Variants in ST18 observed in about 807,000 individuals in gnomAD.
The protein encoded by ST18 is suppression of tumorigenicity 18 protein.
A neutral mutation model predicts 110.0 loss-of-function variants in ST18; 50 were observed. That is an observed-to-expected ratio of 0.45 (90% CI 0.36 to 0.58). The LOEUF (loss-of-function observed/expected upper bound fraction) is 0.58, where lower values mean the gene tolerates loss of function less well. Ranked by LOEUF, ST18 falls within the 20% of genes least tolerant of loss-of-function variation. The pLI is 0.00. For synonymous variants in ST18, 461 were observed against 452.4 expected (o/e 1.02, Z -0.24); for missense variants, 1,306 against 1,280.1 (o/e 1.02, Z -0.31).
At position 52,222,697 on chromosome 8, in the gene ST18, C is replaced by T. The variant is rs535278175; in HGVS notation, c.-418-904G>A. On this transcript the variant is annotated intron_variant, in intron 3 of 25. Transcript: ENST00000689386. ...ACCAAAAGGAATCTGCGACTGACATCGGATCACTCTAGTCCCTGCATGTGC... is the reference window on the plus strand; with the variant it reads ...ACCAAAAGGAATCTGCGACTGACATTGGATCACTCTAGTCCCTGCATGTGC... Among the ~76,000 whole-genome samples, 12 of 152,288 alleles carry T rather than the reference C, an allele frequency of 7.9e-5. No individual in the cohort carries two copies. The East Asian group carries it at 1.2e-3, about 15-fold the overall frequency.
chr8:52,166,141 T>G (rs2062907710), intron 11 of ST18, among the ~76,000 whole-genome samples: 1 of 152,200 alleles, frequency 6.6e-6, no homozygotes, highest in Non-Finnish European at 1.5e-5. Flanking sequence ...AAGGAATCCA[T>G]ACCTCCAGGT....
At chr8:52,135,689 T>C (rs1479670105) in intron 19 of ST18, among the ~76,000 whole-genome samples, 1 of 152,030 alleles carries the variant, frequency 6.6e-6, no homozygotes, top group Non-Finnish European at 1.5e-5. Context: ...TTTTCATATC[T>C]GTCCATTATC....
At chr8:52,114,238 GGGATTACA>G (rs2041668689) in intron 25 of ST18, among the ~76,000 whole-genome samples, 1 of 152,010 alleles carries the variant, frequency 6.6e-6, no homozygotes, top group African/African-American at 2.4e-5. Context: ...CCAAAGTGCT[GGGATTACA>G]GGTGTGAGCC....
At chr8:52,244,674 C>T (rs2093702965) in intron 2 of ST18, among the ~76,000 whole-genome samples, 1 of 152,160 alleles carries the variant, frequency 6.6e-6, no homozygotes, top group Non-Finnish European at 1.5e-5. Context: ...TTATTTGTCC[C>T]TACATGTTTT....
intron 2 of ST18, among the ~76,000 whole-genome samples, chr8:52,331,781 T>C (rs1219148004): frequency 1.3e-5 from 2 of 152,178 alleles, no homozygotes; most frequent in African/African-American, 4.8e-5. Context: ...TGATTTTATG[T>C]AGTGGATGAG....
intron 2 of ST18, among the ~76,000 whole-genome samples, chr8:52,331,785 G>A (rs1809530355): frequency 6.6e-6 from 1 of 152,116 alleles, no homozygotes; most frequent in African/African-American, 2.4e-5. Context: ...TTTATGTAGT[G>A]GATGAGCGGT....
At chr8:52,399,804 ATT>A (rs1481469674) in intron 2 of ST18, among the ~76,000 whole-genome samples, 9 of 152,018 alleles carry the variant, frequency 5.9e-5, no homozygotes, top group African/African-American at 2.2e-4. Context: ...GGTACATATA[ATT>A]TCAATCTTCT....
intron 2 of ST18, among the ~76,000 whole-genome samples, chr8:52,296,143 T>G (rs997728963): frequency 6.6e-6 from 1 of 152,142 alleles, no homozygotes; most frequent in African/African-American, 2.4e-5. Flanking sequence ...AATAGTGCAA[T>G]GCTGGGGGGA....
intron 17 of ST18, among the ~76,000 whole-genome samples, chr8:52,140,592 GATAA>G (rs917186629): frequency 3.4e-5 from 5 of 145,004 alleles, no homozygotes; most frequent in Non-Finnish European, 6.1e-5. Flanking sequence ...TAGATAGATA[GATAA>G]AATGGATGAA....
In ST18 at chr8:52,295,991, C is replaced by T. The variant is rs920321115; in HGVS notation, c.-464-65914G>A. 5.3e-5 allele frequency among the ~76,000 whole-genome samples: 8 copies of T among 151,716 alleles called. No individual in the cohort carries two copies. In the East Asian group the frequency reaches 1.6e-3, roughly 29 times the overall value. On this transcript the variant is annotated intron_variant, in intron 2 of 25. Transcript: ENST00000689386. ...GCAGCCAGATAATCTACCACAATGT[C>T]TTGCTGGAAAAAAAAAATGGGACAA...
chr8:52,189,699 G>A (rs73681223), intron 8 of ST18, among the ~76,000 whole-genome samples: 6,650 of 152,204 alleles, frequency 0.044, 374 homozygotes, highest in African/African-American at 0.13. Flanking sequence ...AAGCATTCAC[G>A]GACTATTGCA....
intron 2 of ST18, among the ~76,000 whole-genome samples, chr8:52,400,425 A>G (rs2141084895): frequency 6.6e-6 from 1 of 152,190 alleles, no homozygotes; most frequent in South Asian, 2.1e-4. Flanking sequence ...GATAATAGTT[A>G]CTATTGATAG....
chr8:52,360,520 A>G (rs1825262219), intron 2 of ST18, among the ~76,000 whole-genome samples: 1 of 152,092 alleles, frequency 6.6e-6, no homozygotes, highest in South Asian at 2.1e-4. Flanking sequence ...AAAAATTATT[A>G]TACCTAAACA....
intron 15 of ST18, among the ~76,000 whole-genome samples, chr8:52,151,487 C>T (rs1354128970): frequency 2.0e-5 from 3 of 152,094 alleles, no homozygotes; most frequent in Admixed American, 6.5e-5. Context: ...ACAGCTTATC[C>T]GGGATAATAA....
chr8:52,389,316 TGGAG>T (rs1838385066), intron 2 of ST18, among the ~76,000 whole-genome samples: 1 of 152,114 alleles, frequency 6.6e-6, no homozygotes, highest in African/African-American at 2.4e-5. Flanking sequence ...AGGCTAGCAG[TGGAG>T]GTTTGCAGGA....
chr8:52,206,252 C>T (rs1209178331), intron 8 of ST18, among the ~76,000 whole-genome samples: 2 of 152,178 alleles, frequency 1.3e-5, no homozygotes, highest in Admixed American at 1.3e-4. Flanking sequence ...ACATTGTTCC[C>T]ACAAATCACT....
chr8:52,208,326 A>G (rs565823803), intron 8 of ST18, among the ~76,000 whole-genome samples: 14 of 152,374 alleles, frequency 9.2e-5, no homozygotes, highest in African/African-American at 3.4e-4. Flanking sequence ...AACATGCCAC[A>G]TTTCCTAAGA....
chr8:52,132,921 GT>G, intron 21 of ST18, 135 bp downstream of exon 21: 1 of 965,088 alleles, frequency 1.0e-6, no homozygotes, highest in Non-Finnish European at 1.6e-6. Flanking sequence ...CCACCAAATA[GT>G]TTGACTCTTG....
intron 2 of ST18, among the ~76,000 whole-genome samples, chr8:52,276,776 T>C (rs903149768): frequency 6.6e-6 from 1 of 151,936 alleles, no homozygotes; most frequent in African/African-American, 2.4e-5. Context: ...TCTTTTTTTT[T>C]TTTTTTTGAG....
Sources: gnomAD v4.1 joint callset for allele counts (sites outside exome capture counted in the v4.1 genomes callset) on GRCh38, gnomAD v4.1.1 for gene constraint, MANE v1.5 for transcripts, NCBI Gene and HGNC (gene_info 2026-07-23, HGNC 2026-07-21) for gene names.